Variants in UBXN8 observed in about 807,000 individuals in gnomAD.
UBXN8 encodes UBX domain-containing protein 8.
Under a neutral mutation model 32.1 loss-of-function variants are expected in UBXN8, and 27 were observed. The observed-to-expected ratio is 0.84, with a 90% CI of 0.62 to 1.16. The LOEUF (loss-of-function observed/expected upper bound fraction) is 1.16. UBXN8 is among the 50% of genes most tolerant of loss of function. The pLI is 0.00. For synonymous variants in UBXN8, 109 were observed against 111.8 expected, an observed-to-expected ratio of 0.98 and a Z score of 0.16; for missense variants, 306 against 311.4, an observed-to-expected ratio of 0.98 and a Z score of 0.13.
intron 5 of UBXN8, among the ~76,000 whole-genome samples, chr8:30,758,184 C>T (rs965526997): frequency 1.3e-5 from 2 of 152,220 alleles, no homozygotes; most frequent in African/African-American, 4.8e-5. Context: ...GCGTGAGCCA[C>T]TGCGCCCAGC....
intron 1 of UBXN8, among the ~76,000 whole-genome samples, chr8:30,746,502 G>T (rs1280623582): frequency 7.1e-6 from 1 of 140,748 alleles, no homozygotes; most frequent in Admixed American, 7.1e-5. Flanking sequence ...CATTTTACTT[G>T]TACTTAAGCT....
At position 30,744,637 on chromosome 8, in the gene UBXN8, A is replaced by G. The variant is rs147416149; in HGVS notation, c.88+360A>G. Among the ~76,000 whole-genome samples the G allele has an allele frequency of 7.4e-3, 1,127 of 152,304 alleles. 18 individuals are homozygous for G. The highest frequency in any genetic ancestry group is 0.025 in the African/African-American group (1,050 of 41,562). On this transcript the variant is annotated intron_variant, in intron 1 of 7. Transcript: ENST00000265616. ...TTGTTTTTAGAGACAGGGTCTCACT[A>G]TGTTGCCCAGGCTGGTCTCGAACTC...
chr8:30,729,269 G>A (rs1372449249), upstream of UBXN8, among the ~76,000 whole-genome samples: 13 of 152,238 alleles, frequency 8.5e-5, no homozygotes, highest in East Asian at 2.3e-3. Flanking sequence ...GTGCGTGGCA[G>A]GCCCCCGTGG....
At chr8:30,754,901 T>C (rs1158086044) in intron 4 of UBXN8, 114 bp downstream of exon 4, 1 of 1,344,214 alleles carries the variant, frequency 7.4e-7, no homozygotes, top group Non-Finnish European at 9.8e-7. Context: ...TTATTGATAA[T>C]GATTATCAGT....
intron 5 of UBXN8, among the ~76,000 whole-genome samples, chr8:30,758,891 TTTG>T (rs1805740788): frequency 1.5e-5 from 2 of 131,434 alleles, no homozygotes; most frequent in African/African-American, 5.8e-5. Flanking sequence ...GTTTGTTTTT[TTTG>T]TTTTTTTTTT....
chr8:30,764,217 C>A (rs1309570492), intron 7 of UBXN8, among the ~76,000 whole-genome samples: 1 of 152,162 alleles, frequency 6.6e-6, no homozygotes, highest in Non-Finnish European at 1.5e-5. Flanking sequence ...CCTTCAATGA[C>A]AAGAATGCTA....
chr8:30,750,293 G>A (rs1034451863), intron 1 of UBXN8, among the ~76,000 whole-genome samples: 3 of 152,006 alleles, frequency 2.0e-5, no homozygotes, highest in East Asian at 1.9e-4. Flanking sequence ...ACAACATGGC[G>A]AGACCCCATC....
In UBXN8 at chr8:30,750,119, A is replaced by G. The variant is rs901846355; in HGVS notation, c.89-1277A>G. Among the ~76,000 whole-genome samples, 6 of 152,260 alleles carry G rather than the reference A, an allele frequency of 3.9e-5. No individual in the cohort carries two copies. In the South Asian group the frequency reaches 1.2e-3, roughly 32 times the overall value. ...TTTTTTAATGCCCAAAGGAGAGTACAGTAAACCCTCTGTATCCCTGAGTTC... is the reference window on the plus strand; with the variant it reads ...TTTTTTAATGCCCAAAGGAGAGTACGGTAAACCCTCTGTATCCCTGAGTTC... On this transcript the variant is annotated intron_variant, in intron 1 of 7. Coordinates refer to ENST00000265616, the MANE Select transcript of UBXN8 (RefSeq NM_005671.4).
intron 1 of UBXN8, among the ~76,000 whole-genome samples, chr8:30,736,433 T>A (rs996173145): frequency 6.6e-6 from 1 of 152,198 alleles, no homozygotes; most frequent in Non-Finnish European, 1.5e-5. Flanking sequence ...ATTCTGAATA[T>A]AAATATGTGG....
At chr8:30,743,267 TGCCTCA>T (rs895470385), upstream of UBXN8, among the ~76,000 whole-genome samples, 1 of 151,744 alleles carries the variant, frequency 6.6e-6, no homozygotes, top group African/African-American at 2.4e-5. Flanking sequence ...GCAATTCTCC[TGCCTCA>T]GCCTCCCGAA....
chr8:30,763,417 G>C, intron 7 of UBXN8, 70 bp downstream of exon 7: 1 of 1,428,708 alleles, frequency 7.0e-7, no homozygotes, highest in Non-Finnish European at 9.8e-7. Context: ...CACATGCCGT[G>C]GGGGAAGGTG....
intron 1 of UBXN8, 159 bp downstream of exon 1, chr8:30,744,436 A>C (rs1805305539): frequency 2.9e-6 from 2 of 686,214 alleles, no homozygotes; most frequent in East Asian, 2.7e-5. Context: ...AGCTGACTTC[A>C]CTTCGAGGAA....
At chr8:30,755,760 GAAAAAAAAAA>G (rs34287599) in intron 4 of UBXN8, among the ~76,000 whole-genome samples, 1 of 88,920 alleles carries the variant, frequency 1.1e-5, no homozygotes. Context: ...CCTTTCTCCA[GAAAAAAAAAA>G]AAAAAAAAAA....
At chr8:30,739,377 T>C (rs1805145710), upstream of UBXN8, among the ~76,000 whole-genome samples, 1 of 151,120 alleles carries the variant, frequency 6.6e-6, no homozygotes, top group African/African-American at 2.4e-5. Context: ...ACCCCGTCTC[T>C]ACTAAAAATA....
At chr8:30,765,064 C>T (rs1805962558) in intron 7 of UBXN8, among the ~76,000 whole-genome samples, 1 of 152,144 alleles carries the variant, frequency 6.6e-6, no homozygotes, top group East Asian at 1.9e-4. Flanking sequence ...CAAAACAAAA[C>T]AAAACCTTTA....
intron 4 of UBXN8, chr8:30,756,078 G>A (rs1167166870): frequency 1.3e-5 from 2 of 150,552 alleles, no homozygotes; most frequent in Non-Finnish European, 3.0e-5. Context: ...AAGTTGGAGT[G>A]CAATGGCACC....
chr8:30,760,491 T>G (rs1372287497), intron 5 of UBXN8, among the ~76,000 whole-genome samples: 36 of 143,786 alleles, frequency 2.5e-4, no homozygotes, highest in African/African-American at 9.1e-4. Context: ...TTGCAATGGT[T>G]GGCCTTGAAC....
chr8:30,755,645 A>G (rs1805637240), intron 4 of UBXN8, among the ~76,000 whole-genome samples: 1 of 150,660 alleles, frequency 6.6e-6, no homozygotes, highest in Non-Finnish European at 1.5e-5. Context: ...AGTCTCAGCT[A>G]CTTGGGAGGT....
intron 6 of UBXN8, among the ~76,000 whole-genome samples, chr8:30,761,271 T>G (rs1191739589): frequency 6.6e-6 from 1 of 151,486 alleles, no homozygotes; most frequent in Admixed American, 6.6e-5. Flanking sequence ...TGAGATGAAG[T>G]CTTGCTCTTG....
Sources: allele counts gnomAD v4.1 joint callset (sites outside exome capture counted in the v4.1 genomes callset), GRCh38; gene constraint gnomAD v4.1.1; transcripts MANE v1.5; gene names NCBI Gene and HGNC (gene_info 2026-07-23, HGNC 2026-07-21).